Variants in TSPAN14 observed in about 807,000 individuals in gnomAD.
The protein encoded by TSPAN14 is tetraspanin 14.
A neutral mutation model predicts 36.6 loss-of-function variants in TSPAN14; 16 were observed. The observed-to-expected ratio is 0.44, with a 90% CI of 0.30 to 0.66. The LOEUF (loss-of-function observed/expected upper bound fraction) is 0.66, where lower values mean the gene tolerates loss of function less well. Ranked by LOEUF, TSPAN14 falls within the 30% of genes least tolerant of loss-of-function variation. The pLI, the probability that TSPAN14 is intolerant of heterozygous loss-of-function variation, is 0.12. For missense variants in TSPAN14, 231 were observed against 355.1 expected (o/e 0.65, Z 2.81); for synonymous variants, 139 against 143.8 (o/e 0.97, Z 0.24).
chr10:80,489,360 C>A, intron 2 of TSPAN14, 46 bp downstream of exon 2: 4 of 1,275,714 alleles, frequency 3.1e-6, no homozygotes, highest in African/African-American at 1.5e-5. Flanking sequence ...GTCCTTCATT[C>A]AGTAAATTAT....
chr10:80,503,378 C>T (rs926122904), intron 2 of TSPAN14, among the ~76,000 whole-genome samples: 3 of 152,066 alleles, frequency 2.0e-5, no homozygotes, highest in African/African-American at 7.2e-5. Flanking sequence ...GGATGTACTC[C>T]GTGAATATTT....
intron 2 of TSPAN14, among the ~76,000 whole-genome samples, chr10:80,503,603 A>G (rs933483525): frequency 1.3e-5 from 2 of 151,996 alleles, no homozygotes; most frequent in Non-Finnish European, 1.5e-5. Context: ...CTAAAATTTC[A>G]TGCAAAATAC....
intron 4 of TSPAN14, among the ~76,000 whole-genome samples, chr10:80,507,780 A>C (rs1331874678): frequency 1.3e-5 from 2 of 152,250 alleles, no homozygotes; most frequent in African/African-American, 2.4e-5. Context: ...TGTTGGATGT[A>C]CAAGTCAGAA....
chr10:80,512,146 C>G, exon 6 of TSPAN14: 1 of 1,614,150 alleles, frequency 6.2e-7, no homozygotes, highest in Non-Finnish European at 8.5e-7. Flanking sequence ...GGTTGCAGAA[C>G]CAGTGCTGTG....
exon 9 of TSPAN14, chr10:80,517,951 C>G: frequency 6.4e-7 from 1 of 1,564,820 alleles, no homozygotes; most frequent in Non-Finnish European, 8.7e-7. Flanking sequence ...GACATCGAGG[C>G]AGTGAAGGCC....
At position 80,469,379 on chromosome 10, in the gene TSPAN14, A is replaced by T. The variant is rs112992732; in HGVS notation, c.-18+15008A>T. The stretch of plus-strand genomic sequence containing the variant: ...AAATAGTCCAGAAGAGGGACTGTAA[A>T]TTTGTATTTTGTAGTAGTTTTGCAG... On this transcript the variant is annotated intron_variant, in intron 1 of 8. Coordinates refer to ENST00000429989, the Ensembl canonical transcript of TSPAN14. Among the ~76,000 whole-genome samples, 440 of 152,274 alleles carry T rather than the reference A, an allele frequency of 2.9e-3. 2 individuals carry two copies. Among genetic ancestry groups the T allele is most frequent in the African/African-American group, 9.9e-3 (412 of 41,544 alleles).
chr10:80,491,160 G>A (rs1007740784), intron 2 of TSPAN14, among the ~76,000 whole-genome samples: 1 of 152,134 alleles, frequency 6.6e-6, no homozygotes, highest in Non-Finnish European at 1.5e-5. Flanking sequence ...TGGTCTTTTA[G>A]CCCACATCTT....
chr10:80,470,447 T>C (rs1268328061), intron 1 of TSPAN14, among the ~76,000 whole-genome samples: 3 of 152,260 alleles, frequency 2.0e-5, no homozygotes, highest in Non-Finnish European at 4.4e-5. Context: ...TATGGAAGAC[T>C]GACAGTATAT....
chr10:80,492,583 G>T (rs555525583), intron 2 of TSPAN14, among the ~76,000 whole-genome samples: 1 of 152,282 alleles, frequency 6.6e-6, no homozygotes, highest in South Asian at 2.1e-4. Flanking sequence ...TTGGGAGGCC[G>T]AGGCAGGCGG....
intron 2 of TSPAN14, among the ~76,000 whole-genome samples, chr10:80,496,107 CAG>C (rs1288682371): frequency 1.3e-5 from 2 of 152,150 alleles, no homozygotes; most frequent in African/African-American, 4.8e-5. Flanking sequence ...ATATACGTAA[CAG>C]AACATTTGTT....
intron 2 of TSPAN14, among the ~76,000 whole-genome samples, chr10:80,504,215 C>T (rs1392918493): frequency 2.0e-5 from 3 of 152,256 alleles, no homozygotes; most frequent in Admixed American, 2.0e-4. Context: ...AGCTGCTTAT[C>T]TGTGCCTGGA....
Position 80,500,314 on chromosome 10 carries a change from C to CTTTTTTTTTTT in TSPAN14, c.82-4392_82-4382dup, listed in dbSNP as rs144759161. Among the ~76,000 whole-genome samples, 7 of 47,860 alleles carry CTTTTTTTTTTT rather than the reference C, an allele frequency of 1.5e-4. 1 individual carries two copies. Among genetic ancestry groups the CTTTTTTTTTTT allele is most frequent in the Non-Finnish European group, 1.8e-4 (5 of 27,938 alleles). 31.4% of individuals were successfully genotyped at this position (47,860 alleles called of 152,430 possible). A position where few individuals can be genotyped will look rare whatever the true frequency, so the allele number is the denominator to read the frequency against. On this transcript the variant is annotated intron_variant, in intron 2 of 8. Coordinates refer to ENST00000429989, the Ensembl canonical transcript of TSPAN14. The stretch of plus-strand genomic sequence containing the variant: ...AATGAAAACAACACAAGGCCTTATT[C>CTTTTTTTTTTT]TTTTTTTTTTTTTTTTTTTTTTTTT...
intron 2 of TSPAN14, among the ~76,000 whole-genome samples, chr10:80,498,412 C>T (rs1238027914): frequency 6.6e-6 from 1 of 152,186 alleles, no homozygotes; most frequent in Non-Finnish European, 1.5e-5. Flanking sequence ...AAAGCTGAGA[C>T]TCAGTCCTGG....
chr10:80,516,026 G>A, intron 7 of TSPAN14, 178 bp from the exon 8 acceptor site: 3 of 871,528 alleles, frequency 3.4e-6, no homozygotes, highest in Non-Finnish European at 5.2e-6. Context: ...ACAGTGCCCA[G>A]CGAGGGGCAG....
intron 1 of TSPAN14, among the ~76,000 whole-genome samples, chr10:80,487,563 C>T (rs1847681025): frequency 1.3e-5 from 2 of 152,114 alleles, no homozygotes. Context: ...TGAAGGAAGG[C>T]GCCTGTGTCT....
intron 1 of TSPAN14, among the ~76,000 whole-genome samples, chr10:80,464,818 G>T (rs1340228676): frequency 2.0e-5 from 3 of 152,144 alleles, no homozygotes. Flanking sequence ...CTATTCAGGG[G>T]CTCTGCCCTG....
At chr10:80,504,839 T>A (rs1266990681) in intron 3 of TSPAN14, 61 bp downstream of exon 3, 1 of 1,553,120 alleles carries the variant, frequency 6.4e-7, no homozygotes, top group African/African-American at 1.4e-5. Context: ...TCGTTGGACT[T>A]CATTTTCCCT....
intron 1 of TSPAN14, among the ~76,000 whole-genome samples, chr10:80,478,647 C>T (rs35414786): frequency 0.19 from 28,186 of 152,170 alleles, 2,831 homozygotes; most frequent in South Asian, 0.3. Flanking sequence ...TTTCGGGCTT[C>T]TCAATACATC....
At chr10:80,492,053 C>T (rs531622681) in intron 2 of TSPAN14, among the ~76,000 whole-genome samples, 33 of 152,290 alleles carry the variant, frequency 2.2e-4, no homozygotes, top group Non-Finnish European at 4.7e-4. Flanking sequence ...CACCCAGGGC[C>T]TCCCTGAGCT....
Sources: gnomAD v4.1 joint callset for allele counts (sites outside exome capture counted in the v4.1 genomes callset) on GRCh38, gnomAD v4.1.1 for gene constraint, MANE v1.5 for transcripts, NCBI Gene and HGNC (gene_info 2026-07-23, HGNC 2026-07-21) for gene names.